The following RFX3 variants were observed in gnomAD, a reference collection of about 807,000 sequenced individuals.
RFX3 encodes transcription factor RFX3.
A neutral mutation model predicts 98.6 loss-of-function variants in RFX3; 14 were observed. The observed-to-expected ratio is 0.14, with a 90% confidence interval of 0.09 to 0.22. The LOEUF (loss-of-function observed/expected upper bound fraction) is 0.22. Among genes scored for constraint, RFX3 ranks in the 10% least tolerant of loss-of-function variants. The pLI, the probability that RFX3 is intolerant of heterozygous loss-of-function variation, is 1.00. For missense variants in RFX3, 639 were observed against 926.9 expected, an observed-to-expected ratio of 0.69 and a Z score of 4.03; for synonymous variants, 383 against 328.4, an observed-to-expected ratio of 1.17 and a Z score of -1.80.
chr9:3,519,072 T>C (rs1210434598), intron 1 of RFX3, among the ~76,000 whole-genome samples: 1 of 152,180 alleles, frequency 6.6e-6, no homozygotes, highest in Non-Finnish European at 1.5e-5. Flanking sequence ...AATTCATGTA[T>C]AACGTGAAAA....
At chr9:3,340,821 T>G (rs1833799819) in intron 3 of RFX3, among the ~76,000 whole-genome samples, 2 of 152,198 alleles carry the variant, frequency 1.3e-5, no homozygotes, top group Admixed American at 6.5e-5. Flanking sequence ...GTAAACTAGT[T>G]CAACCATTGT....
chr9:3,419,245 G>A (rs191552765), intron 1 of RFX3, among the ~76,000 whole-genome samples: 1 of 152,222 alleles, frequency 6.6e-6, no homozygotes. Flanking sequence ...CACAAAAATA[G>A]ATGCTGTACT....
chr9:3,484,379 T>A (rs1425214529), intron 1 of RFX3, among the ~76,000 whole-genome samples: 1 of 152,116 alleles, frequency 6.6e-6, no homozygotes, highest in African/African-American at 2.4e-5. Flanking sequence ...TACAAGACAA[T>A]GCAAGGTAGC....
intron 1 of RFX3, among the ~76,000 whole-genome samples, chr9:3,488,166 C>G (rs1039202709): frequency 6.6e-6 from 1 of 152,128 alleles, no homozygotes; most frequent in East Asian, 1.9e-4. Flanking sequence ...GTCCAAAAAT[C>G]AAATTGAAAG....
At chr9:3,346,796 G>T in intron 2 of RFX3, 32 bp from the exon 3 acceptor site, 1 of 1,353,510 alleles carries the variant, frequency 7.4e-7, no homozygotes, top group Non-Finnish European at 1.1e-6. Flanking sequence ...CTTGGTAAGA[G>T]GTAGGTATGA....
At chr9:3,410,922 T>C (rs1008435959) in intron 1 of RFX3, among the ~76,000 whole-genome samples, 2 of 152,206 alleles carry the variant, frequency 1.3e-5, no homozygotes, top group South Asian at 2.1e-4. Context: ...ATAAAAGCAG[T>C]ATTTCTGTAA....
At chr9:3,449,181 G>C (rs1254883059) in intron 1 of RFX3, among the ~76,000 whole-genome samples, 2 of 152,130 alleles carry the variant, frequency 1.3e-5, no homozygotes, top group African/African-American at 4.8e-5. Context: ...ATACATAGGA[G>C]AGCAACACCT....
chr9:3,446,149 C>A (rs898195592), intron 1 of RFX3, among the ~76,000 whole-genome samples: 9 of 151,956 alleles, frequency 5.9e-5, no homozygotes, highest in African/African-American at 2.2e-4. Flanking sequence ...AGATGATGGG[C>A]AGGTGAATGA....
At chr9:3,427,924 G>C (rs1000379327) in intron 1 of RFX3, among the ~76,000 whole-genome samples, 1 of 152,008 alleles carries the variant, frequency 6.6e-6, no homozygotes, top group Non-Finnish European at 1.5e-5. Flanking sequence ...AACAGGCCTA[G>C]ATTCTGGTCT....
intron 2 of RFX3, among the ~76,000 whole-genome samples, chr9:3,391,416 T>C (rs1248161168): frequency 5.3e-5 from 8 of 152,056 alleles, no homozygotes. Flanking sequence ...CAGGCAAATA[T>C]CACAACAAAA....
At chr9:3,450,941 A>G (rs1254549918) in intron 1 of RFX3, among the ~76,000 whole-genome samples, 1 of 152,202 alleles carries the variant, frequency 6.6e-6, no homozygotes, top group African/African-American at 2.4e-5. Flanking sequence ...TGCAATTACA[A>G]CTGGCACCCA....
chr9:3,452,743 C>A (rs1440133851), intron 1 of RFX3, among the ~76,000 whole-genome samples: 1 of 152,184 alleles, frequency 6.6e-6, no homozygotes, highest in South Asian at 2.1e-4. Flanking sequence ...TATGTGTATG[C>A]ATTAGCTATT....
chr9:3,231,900 C>T (rs1204866636), intron 15 of RFX3, among the ~76,000 whole-genome samples: 1 of 151,926 alleles, frequency 6.6e-6, no homozygotes, highest in Non-Finnish European at 1.5e-5. Context: ...CCCATCTCCA[C>T]TAAAAATATA....
intron 11 of RFX3, among the ~76,000 whole-genome samples, chr9:3,267,725 A>G (rs1004359656): frequency 4.6e-5 from 7 of 151,950 alleles, no homozygotes; most frequent in African/African-American, 1.7e-4. Context: ...AGTCAAAAAA[A>G]GAAAAAGGAA....
chr9:3,357,954 C>T (rs1205350410), intron 2 of RFX3, among the ~76,000 whole-genome samples: 1 of 151,964 alleles, frequency 6.6e-6, no homozygotes, highest in Admixed American at 6.6e-5. Context: ...TTTCATTTTG[C>T]TCTCAGGATT....
intron 1 of RFX3, among the ~76,000 whole-genome samples, chr9:3,457,069 A>C (rs1339360082): frequency 7.4e-6 from 1 of 135,076 alleles, no homozygotes; most frequent in Non-Finnish European, 1.5e-5. Flanking sequence ...TGAACCCGGG[A>C]GGCAGCAGTT....
At chr9:3,297,856 T>C (rs1439887310) in intron 5 of RFX3, among the ~76,000 whole-genome samples, 2 of 151,892 alleles carry the variant, frequency 1.3e-5, no homozygotes, top group East Asian at 1.9e-4. Context: ...TTAAATTTCA[T>C]GCGATTATTG....
intron 1 of RFX3, among the ~76,000 whole-genome samples, chr9:3,478,721 G>C (rs1189365717): frequency 1.3e-5 from 2 of 152,094 alleles, no homozygotes; most frequent in African/African-American, 4.8e-5. Context: ...ACATTGTACA[G>C]CCTTTTAAAT....
At chr9:3,239,835 C>G (rs184747203) in intron 15 of RFX3, among the ~76,000 whole-genome samples, 1 of 152,314 alleles carries the variant, frequency 6.6e-6, no homozygotes, top group Admixed American at 6.5e-5. Context: ...CCTGTGCTTC[C>G]CTCCCTCCTC....
Sources: allele counts gnomAD v4.1 joint callset (sites outside exome capture counted in the v4.1 genomes callset), GRCh38; gene constraint gnomAD v4.1.1; transcripts MANE v1.5; gene names NCBI Gene and HGNC (gene_info 2026-07-23, HGNC 2026-07-21).